BFSP2: variants seen among roughly 807,000 people sequenced by gnomAD.
BFSP2 encodes the protein phakinin.
A neutral mutation model predicts 44.9 loss-of-function variants in BFSP2; 38 were observed. The observed-to-expected ratio is 0.85, with a 90% CI of 0.65 to 1.11. The LOEUF is 1.11. Ranked by LOEUF, BFSP2 falls within the 50% of genes least tolerant of loss-of-function variation. The pLI is 0.00. For synonymous variants in BFSP2, 197 were observed against 209.9 expected, an observed-to-expected ratio of 0.94 and a Z score of 0.53; for missense variants, 525 against 533.0, an observed-to-expected ratio of 0.99 and a Z score of 0.15.
Position 133,466,981 on chromosome 3 carries a change from C to T in BFSP2, c.1023+22C>T, listed in dbSNP as rs972250391. On this transcript the variant is annotated intron_variant, in intron 5 of 6. Transcript: ENST00000302334. The stretch of plus-strand genomic sequence containing the variant: ...CCTGGTAAGTGGGCCAAGGAAAGAC[C>T]TGGTGTCCTTGTGCTAATTTTAACT... 25 of 1,612,854 alleles carry T rather than the reference C, an allele frequency of 1.6e-5. 1 individual carries two copies. Among genetic ancestry groups the T allele is most frequent in the Non-Finnish European group, 3.4e-6 (4 of 1,179,604 alleles).
chr3:133,434,148 T>C (rs1433871427), intron 1 of BFSP2, among the ~76,000 whole-genome samples: 5 of 152,250 alleles, frequency 3.3e-5, no homozygotes, highest in Admixed American at 2.0e-4. Context: ...TAATTTTTGC[T>C]GGCAGGACTA....
At chr3:133,430,884 T>G (rs142406710) in intron 1 of BFSP2, among the ~76,000 whole-genome samples, 1 of 151,850 alleles carries the variant, frequency 6.6e-6, no homozygotes, top group East Asian at 1.9e-4. Context: ...TTTTATCACC[T>G]CCCCTCCTCA....
At chr3:133,452,816 T>C (rs1484052753) in intron 4 of BFSP2, among the ~76,000 whole-genome samples, 4 of 152,158 alleles carry the variant, frequency 2.6e-5, no homozygotes, top group Non-Finnish European at 5.9e-5. Context: ...CCAGCCCTCC[T>C]GCGGTGTGCA....
chr3:133,466,741 T>TG (rs2074114136), intron 4 of BFSP2, 87 bp from the exon 5 acceptor site: 2 of 1,388,996 alleles, frequency 1.4e-6, no homozygotes, highest in African/African-American at 1.5e-5. Flanking sequence ...TTAGAGGCAG[T>TG]GGAGTGGTGA....
chr3:133,444,825 C>T (rs1172595410), intron 1 of BFSP2, among the ~76,000 whole-genome samples: 1 of 152,198 alleles, frequency 6.6e-6, no homozygotes, highest in Non-Finnish European at 1.5e-5. Flanking sequence ...TGGACCACCG[C>T]AAGAGCCTCC....
At position 133,475,127 on chromosome 3, in the gene BFSP2, C is replaced by A; in HGVS notation, c.*155C>A. On this transcript the variant is annotated 3_prime_UTR_variant, in exon 7 of 7. Transcript: ENST00000302334. ...AAGCTTCCTGGAAGTGGAGAGGATC[C>A]TTCTGCTTTAATCTGAGTAGTCTGT... 9.5e-7 allele frequency: 1 copy of A among 1,057,530 alleles called. No individual in the cohort carries two copies. The highest frequency in any genetic ancestry group is 1.5e-6 in the Non-Finnish European group (1 of 687,360). The allele number at this position is 1,057,530 out of a possible 1,614,324, so 65.5% of individuals were successfully genotyped here. A position where few individuals can be genotyped will look rare whatever the true frequency, so the allele number is the denominator to read the frequency against.
In BFSP2 at chr3:133,400,648, G is replaced by A; in HGVS notation, c.489+76G>A. ...CTGAAGGCAGCGGGTAGGGTTGTGA[G>A]TAGGCTGAGGCCAGAGAAACTGACC... On this transcript the variant is annotated intron_variant, in intron 1 of 6. Coordinates refer to ENST00000302334, the MANE Select transcript of BFSP2 (RefSeq NM_003571.4). The surrounding 1 kb of genome is among the most constrained non-coding windows in gnomAD (Gnocchi z 4.0). 1 of 1,544,128 alleles carries A rather than the reference G, an allele frequency of 6.5e-7. No homozygotes were observed. The highest frequency in any genetic ancestry group is 8.7e-7 in the Non-Finnish European group (1 of 1,143,786).
In BFSP2 at chr3:133,450,904, G is replaced by C. The variant is rs113182895; in HGVS notation, c.891+440G>C. Among the ~76,000 whole-genome samples the C allele has an allele frequency of 5.4e-3, 817 of 152,250 alleles. 3 individuals carry two copies. Among genetic ancestry groups the C allele is most frequent in the Non-Finnish European group, 9.3e-3 (631 of 68,008 alleles). ...AGGCGGGCGGATCATGAGGTCAGGA[G>C]ATCGATACCATCCTGGCTAACAGGG... On this transcript the variant is annotated intron_variant, in intron 4 of 6. Transcript: ENST00000302334.
intron 1 of BFSP2, among the ~76,000 whole-genome samples, chr3:133,425,961 G>T (rs759076212): frequency 0.17 from 205 of 1,228 alleles, 14 homozygotes; most frequent in African/African-American, 0.26. Context: ...GAGGGGGAGG[G>T]GGAGGGGATG....
At chr3:133,413,040 C>T (rs2073471802) in intron 1 of BFSP2, among the ~76,000 whole-genome samples, 1 of 152,188 alleles carries the variant, frequency 6.6e-6, no homozygotes, top group Admixed American at 6.5e-5. Context: ...GGCAGACCCT[C>T]TCTGGAAGCA....
chr3:133,466,161 A>G (rs978277590), intron 4 of BFSP2, among the ~76,000 whole-genome samples: 1 of 116,912 alleles, frequency 8.6e-6, no homozygotes, highest in Admixed American at 9.5e-5. Flanking sequence ...TTTAAGTACC[A>G]AAGCACGGGG....
chr3:133,436,346 AT>A (rs1292153566), intron 1 of BFSP2, among the ~76,000 whole-genome samples: 1 of 150,998 alleles, frequency 6.6e-6, no homozygotes. Context: ...AAAAAAAAAA[AT>A]CTATGTATTG....
chr3:133,470,803 C>T (rs550476008), intron 5 of BFSP2, among the ~76,000 whole-genome samples: 27 of 152,174 alleles, frequency 1.8e-4, no homozygotes, highest in Non-Finnish European at 3.2e-4. Flanking sequence ...AAGCTTAGCC[C>T]ACTGTGATAA....
chr3:133,421,993 G>T (rs915371180), intron 1 of BFSP2, among the ~76,000 whole-genome samples: 1 of 151,474 alleles, frequency 6.6e-6, no homozygotes, highest in African/African-American at 2.4e-5. Flanking sequence ...TATAGTCCCA[G>T]CTACTCGGGA....
chr3:133,432,436 G>A (rs1222007473), intron 1 of BFSP2, among the ~76,000 whole-genome samples: 2 of 152,056 alleles, frequency 1.3e-5, no homozygotes, highest in Admixed American at 6.6e-5. Flanking sequence ...CTGGACTGAC[G>A]CTGACACCCA....
intron 1 of BFSP2, among the ~76,000 whole-genome samples, chr3:133,407,260 A>G (rs1285590255): frequency 6.6e-6 from 1 of 152,146 alleles, no homozygotes; most frequent in Non-Finnish European, 1.5e-5. Flanking sequence ...CAAAAAGATA[A>G]AAGAGATGAG....
At position 133,472,477 on chromosome 3, in the gene BFSP2, C is replaced by T; in HGVS notation, c.1156C>T (p.Gln386Ter). Residue 386 changes from glutamine (Q) to a stop codon, truncating the protein, a stop_gained, in exon 6 of 7, where the codon CAG becomes TAG. Coordinates refer to ENST00000302334, the MANE Select transcript of BFSP2 (RefSeq NM_003571.4). LOFTEE classifies it high-confidence loss of function. ...EIRAEAEQQQ[Q>*]ERAHLLARKC... Reference sequence around the variant, plus strand: ...CCGAGCGGAGGCGGAGCAGCAGCAACAGGAGCGCGCGCATCTGCTGGCCCG... The same window carrying T: ...CCGAGCGGAGGCGGAGCAGCAGCAATAGGAGCGCGCGCATCTGCTGGCCCG... 2 of 1,613,776 alleles carry T rather than the reference C, an allele frequency of 1.2e-6. No homozygotes were observed. The highest frequency in any genetic ancestry group is 1.7e-6 in the Non-Finnish European group (2 of 1,180,012).
In BFSP2 at chr3:133,400,117, AC is replaced by A. The variant is rs1189141332; in HGVS notation, c.36del (p.Ser13ValfsTer35). The A allele has an allele frequency of 6.2e-7, 1 of 1,614,030 alleles. No individual in the cohort carries two copies. Among genetic ancestry groups the A allele is most frequent in the East Asian group, 2.2e-5 (1 of 44,896 alleles). On this transcript the variant is annotated frameshift_variant, in exon 1 of 7. Transcript: ENST00000302334. LOFTEE classifies it high-confidence loss of function. This position sits in a 1 kb window ranked among gnomAD's most constrained non-coding sequence, Gnocchi z 4.0. ...SERRVVVDLP[T>X]SASSSMPLQR... ...GAGGCGAGTGGTAGTGGACTTGCCC[AC>A]CAGTGCCAGCTCCAGCATGCCCCTC...
At chr3:133,448,374 AC>A (rs1333652552) in intron 2 of BFSP2, 114 bp from the exon 3 acceptor site, 1 of 1,293,946 alleles carries the variant, frequency 7.7e-7, no homozygotes, top group Non-Finnish European at 1.1e-6. Context: ...TGAAACAGTG[AC>A]TTTTACCATT....
Sources: allele counts gnomAD v4.1 joint callset (sites outside exome capture counted in the v4.1 genomes callset), GRCh38; gene constraint gnomAD v4.1.1; non-coding constraint Gnocchi (gnomAD v3.1); transcripts MANE v1.5; gene names NCBI Gene and HGNC (gene_info 2026-07-23, HGNC 2026-07-21).